Variants in ELMO1 observed in about 807,000 individuals in gnomAD.
The protein encoded by ELMO1 is engulfment and cell motility protein 1.
A neutral mutation model predicts 98.9 loss-of-function variants in ELMO1; 26 were observed. The observed-to-expected ratio is 0.26, with a 90% CI of 0.19 to 0.36. ELMO1 has a LOEUF of 0.36. Among genes scored for constraint, ELMO1 ranks in the 10% least tolerant of loss-of-function variants. The pLI is 1.00. For synonymous variants in ELMO1, 346 were observed against 346.0 expected, an observed-to-expected ratio of 1.00 and a Z score of 0.00; for missense variants, 627 against 935.2, an observed-to-expected ratio of 0.67 and a Z score of 4.30.
At chr7:37,364,525 A>G (rs1169513410) in intron 1 of ELMO1, among the ~76,000 whole-genome samples, 2 of 152,110 alleles carry the variant, frequency 1.3e-5, no homozygotes, top group Admixed American at 6.6e-5. Context: ...CCTTTAACAC[A>G]TAGGAAAATA....
At chr7:37,304,226 G>A (rs146836828) in intron 4 of ELMO1, among the ~76,000 whole-genome samples, 1,878 of 152,282 alleles carry the variant, frequency 0.012, 20 homozygotes, top group South Asian at 0.022. Flanking sequence ...GAGTCACTAT[G>A]AGCAAAGACA....
intron 16 of ELMO1, among the ~76,000 whole-genome samples, chr7:36,917,936 A>G (rs1038777234): frequency 1.3e-5 from 2 of 152,254 alleles, no homozygotes; most frequent in Non-Finnish European, 2.9e-5. Flanking sequence ...ATCTGAAAAC[A>G]TAATACTGAG....
chr7:36,898,321 C>T lies in ELMO1; in HGVS notation c.1438-3304G>A, dbSNP rs193120146. ...CGGTGTTGCGGAGACATCAGAAAAT[C>T]AATGGAATTAAACACAGACATCAAA... On this transcript the variant is annotated intron_variant, in intron 16 of 21. Transcript: ENST00000310758. Among the ~76,000 whole-genome samples the T allele has an allele frequency of 9.7e-4, 148 of 152,320 alleles. 1 individual carries two copies. Among genetic ancestry groups the T allele is most frequent in the Middle Eastern group, 3.4e-3 (1 of 294 alleles).
At chr7:36,989,958 T>C (rs1268976397) in intron 16 of ELMO1, among the ~76,000 whole-genome samples, 1 of 152,188 alleles carries the variant, frequency 6.6e-6, no homozygotes, top group East Asian at 1.9e-4. Flanking sequence ...AATTTTATAT[T>C]AGCCTTCAAT....
chr7:37,276,480 A>G (rs1021076651), intron 4 of ELMO1, among the ~76,000 whole-genome samples: 13 of 152,168 alleles, frequency 8.5e-5, no homozygotes, highest in South Asian at 2.1e-4. Context: ...GCGTGGTGGC[A>G]GGCGCCTGTA....
chr7:36,871,627 G>A (rs1158930459), intron 19 of ELMO1, among the ~76,000 whole-genome samples: 3 of 152,188 alleles, frequency 2.0e-5, no homozygotes, highest in Non-Finnish European at 4.4e-5. Context: ...AAGATGATGA[G>A]AGATTTCACA....
chr7:37,092,168 T>TG (rs752452178), intron 15 of ELMO1, among the ~76,000 whole-genome samples: 2 of 152,052 alleles, frequency 1.3e-5, no homozygotes, highest in African/African-American at 2.4e-5. Flanking sequence ...AAATATGTCT[T>TG]GCTCACAAAA....
intron 14 of ELMO1, among the ~76,000 whole-genome samples, chr7:37,129,227 G>A (rs973095126): frequency 2.3e-4 from 34 of 147,810 alleles, no homozygotes; most frequent in African/African-American, 9.0e-4. Context: ...CTGTGGGCCA[G>A]GCATGGTCCC....
rs1032373801 is a variant in ELMO1 at position 36,897,012 on chromosome 7, T to C, written c.1438-1995A>G. On this transcript the variant is annotated intron_variant, in intron 16 of 21. Transcript: ENST00000310758. ...AGAATCAGGTTAAAGCTAAGAGTTA[T>C]AGAGTGACCTCCACTCCCCTCATTT... 1.6e-4 allele frequency among the ~76,000 whole-genome samples: 24 copies of C among 152,338 alleles called. 1 individual carries two copies. The highest frequency in any genetic ancestry group is 1.1e-3 in the Admixed American group (17 of 15,296).
rs11977791 is a variant in ELMO1 at position 37,122,917 on chromosome 7, T to G, written c.1191+10213A>C. On this transcript the variant is annotated intron_variant, in intron 14 of 21. Coordinates refer to ENST00000310758, the MANE Select transcript of ELMO1 (RefSeq NM_014800.11). ...ACTCCTCAGCAAATGTAAAAGAACA[T>G]AAATTATAACAAACTGTCTCTCAGA... 8.0e-3 allele frequency among the ~76,000 whole-genome samples: 1,216 copies of G among 152,008 alleles called. 13 individuals are homozygous for G. The highest frequency in any genetic ancestry group is 0.028 in the African/African-American group (1,159 of 41,456).
chr7:37,142,447 T>C (rs1193397487), intron 13 of ELMO1, among the ~76,000 whole-genome samples: 1 of 152,218 alleles, frequency 6.6e-6, no homozygotes. Flanking sequence ...CCGGTTCTAC[T>C]GATGAGGAAA....
chr7:37,086,659 C>T (rs1783796803), intron 15 of ELMO1, among the ~76,000 whole-genome samples: 1 of 148,230 alleles, frequency 6.7e-6, no homozygotes, highest in South Asian at 2.1e-4. Flanking sequence ...AAGAGAATCG[C>T]TTGAACCCAG....
At chr7:37,060,327 A>G (rs1796601109) in intron 15 of ELMO1, among the ~76,000 whole-genome samples, 1 of 152,226 alleles carries the variant, frequency 6.6e-6, no homozygotes, top group Non-Finnish European at 1.5e-5. Flanking sequence ...CTACACAGCC[A>G]TATAAAAGAA....
Position 37,133,215 on chromosome 7 carries a change from A to G in ELMO1, c.1106T>C (p.Met369Thr). 1 of 1,611,508 alleles carries G rather than the reference A, an allele frequency of 6.2e-7. No individual in the cohort carries two copies. The highest frequency in any genetic ancestry group is 8.5e-7 in the Non-Finnish European group (1 of 1,178,862). ...LGFINHVNPA[M>T]DFTQTPPGML... The stretch of plus-strand genomic sequence containing the variant: ...CCCAGGTGGAGTCTGCGTGAAGTCC[A>G]TGGCAGGGTTGACATGATTCTGTGA... Residue 369 changes from methionine to threonine, a missense_variant, in exon 14 of 22, where the codon ATG (methionine) becomes ACG (threonine). This residue lies in a region of ELMO1 where 492 missense variants were observed against 715.6 expected (regional missense o/e 0.69). Coordinates refer to ENST00000310758, the MANE Select transcript of ELMO1 (RefSeq NM_014800.11).
intron 16 of ELMO1, among the ~76,000 whole-genome samples, chr7:37,011,104 A>T (rs1034539439): frequency 2.0e-5 from 3 of 152,248 alleles, no homozygotes; most frequent in Admixed American, 2.0e-4. Flanking sequence ...TAAACAATGC[A>T]AAAAATGGCA....
intron 16 of ELMO1, among the ~76,000 whole-genome samples, chr7:36,974,484 A>T (rs1375354461): frequency 6.6e-6 from 1 of 151,744 alleles, no homozygotes; most frequent in East Asian, 1.9e-4. Context: ...GTATCTAGCT[A>T]CTCTGGTGGG....
At chr7:37,279,204 A>AAAACAAACAAAC (rs80120876) in intron 4 of ELMO1, among the ~76,000 whole-genome samples, 3 of 150,580 alleles carry the variant, frequency 2.0e-5, no homozygotes, top group African/African-American at 4.9e-5. Context: ...CTCCGTTTCA[A>AAAACAAACAAAC]AAACAAACAA....
intron 4 of ELMO1, among the ~76,000 whole-genome samples, chr7:37,298,137 T>C (rs968831358): frequency 7.2e-5 from 11 of 152,164 alleles, no homozygotes; most frequent in Non-Finnish European, 1.0e-4. Flanking sequence ...ACTAGTTGTA[T>C]TAAATCAGTA....
chr7:37,096,854 C>A, intron 14 of ELMO1, 127 bp from the exon 15 acceptor site: 3 of 866,590 alleles, frequency 3.5e-6, no homozygotes, highest in Non-Finnish European at 5.5e-6. Flanking sequence ...CTCTTGGGGC[C>A]AGGACAAAAT....
Sources: allele counts gnomAD v4.1 joint callset (sites outside exome capture counted in the v4.1 genomes callset), GRCh38; gene constraint gnomAD v4.1.1; regional missense constraint gnomAD v4.1.1; transcripts MANE v1.5; gene names NCBI Gene and HGNC (gene_info 2026-07-23, HGNC 2026-07-21).